The following NDUFA9 variants were observed in gnomAD, a reference collection of about 807,000 sequenced individuals.
NDUFA9 encodes the protein NADH:ubiquinone oxidoreductase subunit A9.
Under a neutral mutation model 45.9 loss-of-function variants are expected in NDUFA9, and 23 were observed. That is an observed-to-expected ratio of 0.50 (90% CI 0.36 to 0.71). The LOEUF (loss-of-function observed/expected upper bound fraction) is 0.71, where lower values mean the gene tolerates loss of function less well. Among genes scored for constraint, NDUFA9 ranks in the 30% least tolerant of loss-of-function variants. The probability of loss-of-function intolerance (pLI) is 0.00; values close to 1 mark genes in which losing one functional copy is unlikely to be tolerated. For synonymous variants in NDUFA9, 176 were observed against 170.5 expected (o/e 1.03, Z -0.25); for missense variants, 466 against 488.2 (o/e 0.95, Z 0.43).
intron 1 of NDUFA9, among the ~76,000 whole-genome samples, chr12:4,649,565 G>C (rs1360731759): frequency 6.6e-6 from 1 of 152,168 alleles, no homozygotes; most frequent in Non-Finnish European, 1.5e-5. Flanking sequence ...TTCTTAGATT[G>C]ATTTTATGAC....
chr12:4,660,496 C>T (rs758701422), intron 5 of NDUFA9, among the ~76,000 whole-genome samples: 112 of 151,968 alleles, frequency 7.4e-4, no homozygotes, highest in Non-Finnish European at 1.2e-3. Flanking sequence ...TGGGAGTTAC[C>T]AGCATTTGTT....
rs763390784 is a variant in NDUFA9, at chr12:4,685,333, C to T, written c.963+8C>T. The T allele has an allele frequency of 6.8e-6, 11 of 1,608,720 alleles. No homozygotes were observed. The East Asian group carries it at 2.2e-4, about 33-fold the overall frequency. On this transcript the variant is annotated splice_region_variant and intron_variant, in intron 10 of 10. Coordinates refer to ENST00000266544, the MANE Select transcript of NDUFA9 (RefSeq NM_005002.5). ...AGGGATAAAGTGGAGCGGGTGAGTA[C>T]ATGTGTGGAAAGCGTCTGCCTGGGC... is the stretch of plus-strand genomic sequence containing the variant.
At chr12:4,681,489 CT>C (rs890421504) in intron 8 of NDUFA9, among the ~76,000 whole-genome samples, 196 of 143,220 alleles carry the variant, frequency 1.4e-3, no homozygotes, top group Non-Finnish European at 1.7e-3. Context: ...CATGAGATAC[CT>C]TTTTTTTTTT....
intron 8 of NDUFA9, 96 bp from the exon 9 acceptor site, chr12:4,682,109 T>C (rs1262736803): frequency 1.1e-6 from 1 of 872,338 alleles, no homozygotes; most frequent in Non-Finnish European, 1.8e-6. Context: ...ACAGTGCATA[T>C]ATGTTTCCTT....
chr12:4,661,191 G>A (rs1233540144), intron 5 of NDUFA9, among the ~76,000 whole-genome samples: 1 of 152,138 alleles, frequency 6.6e-6, no homozygotes, highest in Non-Finnish European at 1.5e-5. Context: ...GGAGAAAATT[G>A]TGCTTTATAT....
chr12:4,666,516 T>G (rs1394935950), intron 6 of NDUFA9, among the ~76,000 whole-genome samples: 1 of 152,236 alleles, frequency 6.6e-6, no homozygotes, highest in African/African-American at 2.4e-5. Flanking sequence ...TTTAGAGTTT[T>G]AGCTCTTAGG....
At chr12:4,663,595 G>A (rs1044397227) in intron 6 of NDUFA9, among the ~76,000 whole-genome samples, 1 of 152,224 alleles carries the variant, frequency 6.6e-6, no homozygotes, top group Non-Finnish European at 1.5e-5. Context: ...CTACAAGCCA[G>A]GAAGAGAGCC....
At chr12:4,663,987 G>GTGGAACATCACACACAA (rs1945838673) in intron 6 of NDUFA9, among the ~76,000 whole-genome samples, 1 of 152,158 alleles carries the variant, frequency 6.6e-6, no homozygotes, top group Non-Finnish European at 1.5e-5. Flanking sequence ...TCTAGTGGAA[G>GTGGAACATCACACACAA]GTAGAACTTG....
intron 5 of NDUFA9, among the ~76,000 whole-genome samples, chr12:4,659,421 A>C (rs539907559): frequency 6.6e-5 from 10 of 152,348 alleles, no homozygotes; most frequent in African/African-American, 2.4e-4. Flanking sequence ...GTTGGCATTC[A>C]GATACTTAAA....
At chr12:4,658,547 C>T (rs1007370753) in intron 4 of NDUFA9, among the ~76,000 whole-genome samples, 2 of 151,994 alleles carry the variant, frequency 1.3e-5, no homozygotes, top group Non-Finnish European at 2.9e-5. Flanking sequence ...AACAAAGTCC[C>T]GGGGTAAGAA....
Position 4,661,722 on chromosome 12 carries a change from G to C in NDUFA9, c.553-811G>C, listed in dbSNP as rs1035694286. Among the ~76,000 whole-genome samples the C allele has an allele frequency of 3.5e-5, 3 of 85,022 alleles. No individual in the cohort carries two copies. In the East Asian group the frequency reaches 8.5e-4, roughly 24 times the overall value. 55.8% of individuals were successfully genotyped at this position (85,022 alleles called of 152,430 possible). A position where few individuals can be genotyped will look rare whatever the true frequency, so the allele number is the denominator to read the frequency against. On this transcript the variant is annotated intron_variant, in intron 5 of 10. Transcript: ENST00000266544. ...AGAATCAGTGCACTAGAGTTCTTGA[G>C]AAGGTTGAGAAACAGGTATCCCAGG... is the stretch of plus-strand genomic sequence containing the variant.
chr12:4,670,231 T>C (rs1355096738), intron 8 of NDUFA9, among the ~76,000 whole-genome samples: 1 of 152,212 alleles, frequency 6.6e-6, no homozygotes, highest in African/African-American at 2.4e-5. Flanking sequence ...ATAGCACAAT[T>C]ACTAGTGCTG....
rs188241170 is a variant in NDUFA9, at chr12:4,660,261, T to C, written c.552+1084T>C. Among the ~76,000 whole-genome samples, 4 of 152,308 alleles carry C rather than the reference T, an allele frequency of 2.6e-5. No homozygotes were observed. In the East Asian group the frequency reaches 5.8e-4, roughly 22 times the overall value. ...GCGCTCCAGACCAATTAAAACAATT[T>C]CTGGGGTTGCAACTTCAGCACCAGT... On this transcript the variant is annotated intron_variant, in intron 5 of 10. Coordinates refer to ENST00000266544, the MANE Select transcript of NDUFA9 (RefSeq NM_005002.5).
rs539088205 is a variant in NDUFA9, at chr12:4,672,454, C to G, written c.800+2637C>G. 2.6e-5 allele frequency among the ~76,000 whole-genome samples: 4 copies of G among 152,334 alleles called. No individual in the cohort carries two copies. In the East Asian group the frequency reaches 5.8e-4, roughly 22 times the overall value. On this transcript the variant is annotated intron_variant, in intron 8 of 10. Transcript: ENST00000266544. ...GATCTGGCTCAGCGGGTCCCACCCC[C>G]ACAGAGCCCAGCAAGCTAAGATCTA...
chr12:4,680,464 G>T (rs1201829110), intron 8 of NDUFA9, among the ~76,000 whole-genome samples: 2 of 152,108 alleles, frequency 1.3e-5, no homozygotes, highest in Non-Finnish European at 2.9e-5. Context: ...GAGGATGCGG[G>T]CTTCAATGTA....
intron 1 of NDUFA9, among the ~76,000 whole-genome samples, chr12:4,651,301 A>G (rs561168682): frequency 6.6e-6 from 1 of 152,310 alleles, no homozygotes; most frequent in South Asian, 2.1e-4. Flanking sequence ...TAGTACTCAT[A>G]ATAAATGGAA....
intron 8 of NDUFA9, among the ~76,000 whole-genome samples, chr12:4,671,518 A>G (rs548695462): frequency 6.6e-6 from 1 of 152,266 alleles, no homozygotes; most frequent in South Asian, 2.1e-4. Flanking sequence ...TAAAATGATA[A>G]TTTCCTTCAA....
chr12:4,669,036 A>T (rs923752024), intron 7 of NDUFA9, among the ~76,000 whole-genome samples: 3 of 152,254 alleles, frequency 2.0e-5, no homozygotes, highest in Non-Finnish European at 4.4e-5. Context: ...CAGTATATAC[A>T]GGGGCCCAGA....
intron 8 of NDUFA9, among the ~76,000 whole-genome samples, chr12:4,671,004 G>GT (rs919101107): frequency 1.3e-5 from 2 of 152,242 alleles, no homozygotes; most frequent in African/African-American, 2.4e-5. Flanking sequence ...CTTGTTTGGC[G>GT]TAACGATGGG....
Sources: gnomAD v4.1 joint callset for allele counts (sites outside exome capture counted in the v4.1 genomes callset) on GRCh38, gnomAD v4.1.1 for gene constraint, MANE v1.5 for transcripts, NCBI Gene and HGNC (gene_info 2026-07-23, HGNC 2026-07-21) for gene names.